DOC2B: variants seen among roughly 807,000 people sequenced by gnomAD.
The protein encoded by DOC2B is double C2 domain beta.
Under a neutral mutation model 28.9 loss-of-function variants are expected in DOC2B, and 21 were observed. The observed-to-expected ratio is 0.73, with a 90% CI of 0.52 to 1.05. The LOEUF (loss-of-function observed/expected upper bound fraction) is 1.05, where lower values mean the gene tolerates loss of function less well. Ranked by LOEUF, DOC2B falls within the 50% of genes least tolerant of loss-of-function variation. The probability of loss-of-function intolerance (pLI) is 0.00; values close to 1 mark genes in which losing one functional copy is unlikely to be tolerated. For missense variants in DOC2B, 384 were observed against 421.1 expected (o/e 0.91, Z 0.77); for synonymous variants, 194 against 178.1 (o/e 1.09, Z -0.71).
chr17:162,218 G>A, intron 3 of DOC2B, 28 bp from the exon 4 acceptor site: 3 of 1,491,338 alleles, frequency 2.0e-6, no homozygotes, highest in Non-Finnish European at 2.7e-6. Flanking sequence ...GATCTTATTA[G>A]CATCAAAGTG....
rs564448571 is a variant in DOC2B at position 165,066 on chromosome 17, G to A, written c.454-862C>T. ...GGTTTGACGGAGCTCTGGGGGATGC[G>A]GCAGGGGCTTCCAACCACCTACTTC... On this transcript the variant is annotated intron_variant, in intron 2 of 8. Coordinates refer to ENST00000613549, the MANE Select transcript of DOC2B (RefSeq NM_003585.5). Among the ~76,000 whole-genome samples, 13 of 152,298 alleles carry A rather than the reference G, an allele frequency of 8.5e-5. 1 individual carries two copies. Among genetic ancestry groups the A allele is most frequent in the South Asian group, 6.2e-4 (3 of 4,828 alleles).
intron 2 of DOC2B, among the ~76,000 whole-genome samples, chr17:164,495 C>T (rs957023604): frequency 2.0e-5 from 3 of 152,142 alleles, no homozygotes; most frequent in Non-Finnish European, 4.4e-5. Flanking sequence ...TTCTCTGAGC[C>T]TCCCTCTCCA....
chr17:157,856 C>T (rs2151463510), intron 5 of DOC2B, among the ~76,000 whole-genome samples: 1 of 152,326 alleles, frequency 6.6e-6, no homozygotes, highest in South Asian at 2.1e-4. Context: ...GTCCCCTGTG[C>T]GTTCAACCTC....
Position 181,021 on chromosome 17 carries a change from G to A in DOC2B, c.373+86C>T, listed in dbSNP as rs144982616. 32 of 1,111,644 alleles carry A rather than the reference G, an allele frequency of 2.9e-5. No homozygotes were observed. The highest frequency in any genetic ancestry group is 6.9e-4 in the Middle Eastern group (2 of 2,892). The allele number at this position is 1,111,644 out of a possible 1,614,324, so 68.9% of individuals were successfully genotyped here. ...AGGCAGAGCGCGAGCGCGCGAGGGG[G>A]ACCGGCGGAGGGAAGCCGCGAGGCC... is the stretch of plus-strand genomic sequence containing the variant. On this transcript the variant is annotated intron_variant, in intron 1 of 8. Coordinates refer to ENST00000613549, the MANE Select transcript of DOC2B (RefSeq NM_003585.5). The surrounding 1 kb of genome is among the most constrained non-coding windows in gnomAD (Gnocchi z 7.0).
At chr17:152,831 G>A (rs1555521934) in intron 6 of DOC2B, among the ~76,000 whole-genome samples, 1 of 152,152 alleles carries the variant, frequency 6.6e-6, no homozygotes, top group African/African-American at 2.4e-5. Context: ...AAAAGGCCTT[G>A]ACCCATCTAG....
rs370228482 is a variant in DOC2B, at chr17:156,247, T to C, written c.896A>G (p.Asn299Ser). The C allele has an allele frequency of 5.8e-6, 9 of 1,551,276 alleles. No homozygotes were observed. Among genetic ancestry groups the C allele is most frequent in the East Asian group, 2.4e-5 (1 of 40,888 alleles). Residue 299 changes from asparagine to serine, a missense_variant, in exon 6 of 9, where the codon AAC becomes AGC. By Grantham distance (46) the Asn-to-Ser change is conservative (BLOSUM62 1). Coordinates refer to ENST00000613549, the MANE Select transcript of DOC2B (RefSeq NM_003585.5). ...TTTCACGTAGGGGTCCGAGTAGCCG[T>C]TGGCGTCCATGGCGGCCAGGTGGGC... ...RCAHLAAMDANGYSDPYVKTY... is the reference protein window; with the variant it reads ...RCAHLAAMDASGYSDPYVKTY...
chr17:156,315 G>A lies in DOC2B; in HGVS notation c.828C>T (p.Tyr276=). 1 of 1,551,682 alleles carries A rather than the reference G, an allele frequency of 6.4e-7. No individual in the cohort carries two copies. The highest frequency in any genetic ancestry group is 8.7e-7 in the Non-Finnish European group (1 of 1,146,988). The change falls in exon 6 of 9, where the codon TAC becomes TAT. Residue 276 remains tyrosine (Y), a synonymous_variant. Transcript: ENST00000613549. ...CCAGCAGGCCTTGCTTCTGTGAGCT[G>A]TACTTGAGGGAGATGAGGATGCGGC... is the stretch of plus-strand genomic sequence containing the variant. ...ERGRILISLK[Y]SSQKQGLLVG... is the part of the protein sequence containing the mutation.
intron 1 of DOC2B, among the ~76,000 whole-genome samples, chr17:177,919 G>C (rs1007747652): frequency 3.3e-5 from 5 of 152,246 alleles, no homozygotes; most frequent in African/African-American, 1.2e-4. Flanking sequence ...TCCTGACCCG[G>C]TCCTGGGTGA....
chr17:159,836 A>T (rs1597823032), intron 5 of DOC2B, among the ~76,000 whole-genome samples: 1 of 151,934 alleles, frequency 6.6e-6, no homozygotes, highest in Admixed American at 6.6e-5. Flanking sequence ...TCGCACACAG[A>T]CACGTACTGA....
chr17:160,468 G>A (rs2040188088), intron 5 of DOC2B, among the ~76,000 whole-genome samples: 1 of 152,242 alleles, frequency 6.6e-6, no homozygotes, highest in Non-Finnish European at 1.5e-5. Flanking sequence ...CTTGGGCTAA[G>A]CTCGAGGTGA....
chr17:148,333 G>C (rs939347844), intron 7 of DOC2B, 64 bp from the exon 8 acceptor site: 1 of 398,428 alleles, frequency 2.5e-6, no homozygotes, highest in Non-Finnish European at 4.4e-6. Context: ...GGGGCCAGGA[G>C]GGGTATGAGG....
rs1263349950 is a variant in DOC2B, at chr17:144,479, C to T, written c.*2962G>A. 1 of 152,188 alleles carries T rather than the reference C, an allele frequency of 6.6e-6. No homozygotes were observed. The highest frequency in any genetic ancestry group is 1.9e-4 in the East Asian group (1 of 5,178). 9.4% of individuals were successfully genotyped at this position (152,188 alleles called of 1,614,324 possible). A position where few individuals can be genotyped will look rare whatever the true frequency, so the allele number is the denominator to read the frequency against. On this transcript the variant is annotated 3_prime_UTR_variant, in exon 9 of 9. Coordinates refer to ENST00000613549, the MANE Select transcript of DOC2B (RefSeq NM_003585.5). Reference sequence around the variant, plus strand: ...TTCGCCCTGTTGGCCAGGCGGGTTTCGAACTCCTGACCTCAGGTGATCCGC... The same window carrying T: ...TTCGCCCTGTTGGCCAGGCGGGTTTTGAACTCCTGACCTCAGGTGATCCGC...
intron 6 of DOC2B, among the ~76,000 whole-genome samples, chr17:153,361 T>C (rs1196142420): frequency 3.3e-5 from 5 of 152,210 alleles, no homozygotes; most frequent in African/African-American, 1.2e-4. Context: ...CAGGTGACCC[T>C]GGAATTCCTG....
chr17:181,537 G>C lies in DOC2B; in HGVS notation c.-58C>G, dbSNP rs1295113925. 1 of 947,204 alleles carries C rather than the reference G, an allele frequency of 1.1e-6. No individual in the cohort carries two copies. The highest frequency in any genetic ancestry group is 1.3e-6 in the Non-Finnish European group (1 of 797,848). The allele number at this position is 947,204 out of a possible 1,614,324, so 58.7% of individuals were successfully genotyped here. A position where few individuals can be genotyped will look rare whatever the true frequency, so the allele number is the denominator to read the frequency against. The stretch of plus-strand genomic sequence containing the variant: ...CGGCCCGGCGCGACCCCGGCCCGGG[G>C]GCGGCTCAGCAGGCCCGGCGGGGCG... On this transcript the variant is annotated 5_prime_UTR_variant, in exon 1 of 9. Coordinates refer to ENST00000613549, the MANE Select transcript of DOC2B (RefSeq NM_003585.5). The surrounding 1 kb of genome is among the most constrained non-coding windows in gnomAD (Gnocchi z 7.0).
intron 1 of DOC2B, among the ~76,000 whole-genome samples, chr17:177,958 T>A (rs909521575): frequency 2.0e-5 from 3 of 152,254 alleles, no homozygotes. Context: ...AACACGGGCA[T>A]GTGATCCAAT....
chr17:161,109 T>G, intron 5 of DOC2B, among the ~76,000 whole-genome samples: 1 of 151,932 alleles, frequency 6.6e-6, no homozygotes, highest in East Asian at 1.9e-4. Flanking sequence ...TGCCCATCTC[T>G]CCCCATCTCC....
intron 7 of DOC2B, among the ~76,000 whole-genome samples, 174 bp downstream of exon 7, chr17:148,937 C>T (rs2040044143): frequency 6.6e-6 from 1 of 151,734 alleles, no homozygotes. Context: ...CAAGTCCTGC[C>T]AAGAGCTTTC....
intron 4 of DOC2B, 74 bp downstream of exon 4, chr17:162,007 C>T: frequency 1.8e-6 from 2 of 1,081,300 alleles, no homozygotes; most frequent in Non-Finnish European, 1.4e-6. Flanking sequence ...ACCCTCCAGT[C>T]CTGCCTTCAT....
At position 181,392 on chromosome 17, in the gene DOC2B, T is replaced by C; in HGVS notation, c.88A>G (p.Ile30Val). 1.7e-6 allele frequency: 2 copies of C among 1,162,760 alleles called. No homozygotes were observed. Among genetic ancestry groups the C allele is most frequent in the Non-Finnish European group, 2.1e-6 (2 of 938,168 alleles). The allele number at this position is 1,162,760 out of a possible 1,614,324, so 72.0% of individuals were successfully genotyped here. ...IDVCPGPIRP[I>V]KQISDYFPRF... ...GGGAAGTAGTCGGAGATCTGCTTGATGGGACGGATGGGGCCGGGGCACACG... is the reference window on the plus strand; with the variant it reads ...GGGAAGTAGTCGGAGATCTGCTTGACGGGACGGATGGGGCCGGGGCACACG... The change falls in exon 1 of 9, where the codon ATC (isoleucine) becomes GTC (valine). Residue 30 changes from isoleucine (I) to valine (V), a missense_variant. Ile to Val is a conservative substitution (Grantham distance 29). Transcript: ENST00000613549. The surrounding 1 kb of genome is among the most constrained non-coding windows in gnomAD (Gnocchi z 7.0).
Sources: gnomAD v4.1 joint callset for allele counts (sites outside exome capture counted in the v4.1 genomes callset) on GRCh38, gnomAD v4.1.1 for gene constraint, Gnocchi (gnomAD v3.1) non-coding constraint, MANE v1.5 for transcripts, NCBI Gene and HGNC (gene_info 2026-07-23, HGNC 2026-07-21) for gene names.